PCDH7: variants seen among roughly 807,000 people sequenced by gnomAD.
PCDH7 encodes the protein protocadherin 7, also known as protocadherin-7.
PCDH7 carries 17 observed loss-of-function variants against 58.9 expected under a neutral mutation model. That is an observed-to-expected ratio of 0.29 (90% CI 0.20 to 0.43). PCDH7 has a LOEUF of 0.43. PCDH7 is among the 20% of genes least tolerant of loss of function. The probability of loss-of-function intolerance (pLI) is 1.00; values close to 1 mark genes in which losing one functional copy is unlikely to be tolerated. For missense variants in PCDH7, 1,274 were observed against 1,441.0 expected, an observed-to-expected ratio of 0.88 and a Z score of 1.88; for synonymous variants, 664 against 616.4, an observed-to-expected ratio of 1.08 and a Z score of -1.14.
intron 3 of PCDH7, among the ~76,000 whole-genome samples, chr4:31,016,798 T>C (rs976979427): frequency 7.9e-5 from 12 of 151,474 alleles, no homozygotes; most frequent in East Asian, 3.9e-4. Context: ...TGTGTGTGTG[T>C]GCGTGTGTGC....
At chr4:31,036,311 C>T (rs1274913168) in intron 3 of PCDH7, among the ~76,000 whole-genome samples, 1 of 152,036 alleles carries the variant, frequency 6.6e-6, no homozygotes, top group Non-Finnish European at 1.5e-5. Context: ...TCAGCCTCCT[C>T]AGTAGCGGGG....
chr4:31,105,835 G>A (rs893849386), intron 3 of PCDH7, among the ~76,000 whole-genome samples: 12 of 151,784 alleles, frequency 7.9e-5, no homozygotes, highest in South Asian at 2.1e-4. Flanking sequence ...GTGAAACCCC[G>A]TCTTTACTAA....
In PCDH7 at chr4:31,079,363, T is replaced by C. The variant is rs1197631789; in HGVS notation, c.*8-63110T>C. ...ATATATATATATATATATATATATA[T>C]ACACCACATTTTCAAAATAGACAGA... On this transcript the variant is annotated intron_variant, in intron 3 of 3. Transcript: ENST00000509759. Among the ~76,000 whole-genome samples the C allele has an allele frequency of 1.0e-3, 84 of 80,142 alleles. 1 individual carries two copies. Among genetic ancestry groups the C allele is most frequent in the East Asian group, 3.2e-3 (8 of 2,522 alleles). The allele number at this position is 80,142 out of a possible 152,430, so 52.6% of individuals were successfully genotyped here.
chr4:30,981,771 G>C (rs1468548193), intron 3 of PCDH7, among the ~76,000 whole-genome samples: 1 of 152,114 alleles, frequency 6.6e-6, no homozygotes, highest in Non-Finnish European at 1.5e-5. Flanking sequence ...ATATGAAAAT[G>C]CTTTGTGTTG....
intron 3 of PCDH7, among the ~76,000 whole-genome samples, chr4:31,126,736 A>T (rs1295827842): frequency 6.6e-6 from 1 of 152,226 alleles, no homozygotes; most frequent in African/African-American, 2.4e-5. Context: ...TCACTTTAGT[A>T]TTCACAAAGT....
rs572332562 is a variant in PCDH7, at chr4:31,135,300, G to A, written c.*8-7173G>A. 1.1e-4 allele frequency among the ~76,000 whole-genome samples: 17 copies of A among 152,272 alleles called. No individual in the cohort carries two copies. In the South Asian group the frequency reaches 1.9e-3, roughly 17 times the overall value. ...CAAGTTTCAAGTGAAATCATTAATC[G>A]TGAGGTTGATCTGTGAGGTTGTAAA... On this transcript the variant is annotated intron_variant, in intron 3 of 3. Transcript: ENST00000509759.
intron 2 of PCDH7, among the ~76,000 whole-genome samples, chr4:30,939,947 T>A (rs1282679904): frequency 6.6e-6 from 1 of 152,038 alleles, no homozygotes. Flanking sequence ...TTTCTTTTAT[T>A]GGCAAGAAAT....
intron 3 of PCDH7, among the ~76,000 whole-genome samples, chr4:30,994,090 T>C (rs1293709801): frequency 2.0e-5 from 3 of 152,326 alleles, no homozygotes; most frequent in Non-Finnish European, 4.4e-5. Context: ...GTGGGCATCC[T>C]ACTAACTGCT....
At chr4:30,884,323 A>G (rs957974009) in intron 1 of PCDH7, 4 of 152,142 alleles carry the variant, frequency 2.6e-5, no homozygotes, top group African/African-American at 9.6e-5. Flanking sequence ...AGCTGAGGCA[A>G]TGTGATTTCC....
intron 1 of PCDH7, 50 bp from the exon 2 acceptor site, chr4:30,920,103 T>C: frequency 1.6e-6 from 2 of 1,288,932 alleles, no homozygotes; most frequent in Non-Finnish European, 2.1e-6. Flanking sequence ...TAAAATAAGA[T>C]CATTTACAAT....
chr4:30,791,151 G>A (rs539786570), intron 1 of PCDH7, among the ~76,000 whole-genome samples: 2 of 152,134 alleles, frequency 1.3e-5, no homozygotes, highest in African/African-American at 4.8e-5. Context: ...AACAGGGAGC[G>A]TTCACAGCCT....
intron 1 of PCDH7, among the ~76,000 whole-genome samples, chr4:30,739,376 A>G (rs1333982843): frequency 1.3e-5 from 2 of 150,028 alleles, no homozygotes; most frequent in African/African-American, 2.5e-5. Flanking sequence ...TCTACAATTA[A>G]TATTATAAAC....
chr4:30,889,242 T>G (rs1037930804), intron 1 of PCDH7, among the ~76,000 whole-genome samples: 1 of 151,806 alleles, frequency 6.6e-6, no homozygotes, highest in Non-Finnish European at 1.5e-5. Flanking sequence ...ACACTTTAAT[T>G]AAGCATTTAT....
intron 1 of PCDH7, among the ~76,000 whole-genome samples, chr4:30,827,324 AT>A (rs968786745): frequency 1.2e-4 from 19 of 152,028 alleles, no homozygotes; most frequent in African/African-American, 4.1e-4. Flanking sequence ...AGTTTAAGGA[AT>A]TTTTTTTCCA....
chr4:31,031,651 A>G (rs1005432586), intron 3 of PCDH7, among the ~76,000 whole-genome samples: 1 of 114,324 alleles, frequency 8.7e-6, no homozygotes, highest in Non-Finnish European at 2.1e-5. Flanking sequence ...AAATTAAAAG[A>G]AAAAAACTTT....
chr4:31,091,617 A>G (rs115278829), intron 3 of PCDH7, among the ~76,000 whole-genome samples: 2,639 of 151,972 alleles, frequency 0.017, 27 homozygotes, highest in Middle Eastern at 0.029. Context: ...GTATTGCAAG[A>G]TGAAAAGGAT....
intron 3 of PCDH7, among the ~76,000 whole-genome samples, chr4:31,131,945 T>A (rs16884388): frequency 0.12 from 18,224 of 152,120 alleles, 2,174 homozygotes; most frequent in East Asian, 0.48. Flanking sequence ...TTTGTCCCTG[T>A]GCAAAAAGTA....
intron 2 of PCDH7, among the ~76,000 whole-genome samples, chr4:30,925,086 T>C (rs983943493): frequency 1.3e-5 from 2 of 152,186 alleles, no homozygotes; most frequent in African/African-American, 2.4e-5. Flanking sequence ...GTCACACTTA[T>C]ATAAGCTAAG....
chr4:30,767,837 CT>C (rs2109275555), intron 1 of PCDH7, among the ~76,000 whole-genome samples: 1 of 152,248 alleles, frequency 6.6e-6, no homozygotes, highest in South Asian at 2.1e-4. Context: ...ATTCTTTGTA[CT>C]GCTTATCTTC....
Sources: allele counts gnomAD v4.1 joint callset (sites outside exome capture counted in the v4.1 genomes callset), GRCh38; gene constraint gnomAD v4.1.1; transcripts MANE v1.5; gene names NCBI Gene and HGNC (gene_info 2026-07-23, HGNC 2026-07-21).